TMEM163: variants seen among roughly 807,000 people sequenced by gnomAD.
TMEM163 encodes the protein transmembrane protein 163.
A neutral mutation model predicts 29.3 loss-of-function variants in TMEM163; 17 were observed. The ratio of observed to expected loss-of-function variants is 0.58; its 90% CI spans 0.40 to 0.87. The LOEUF (loss-of-function observed/expected upper bound fraction) is 0.87, where lower values mean the gene tolerates loss of function less well. Ranked by LOEUF, TMEM163 falls within the 40% of genes least tolerant of loss-of-function variation. TMEM163 has a pLI of 0.00. For synonymous variants in TMEM163, 157 were observed against 160.6 expected, an observed-to-expected ratio of 0.98 and a Z score of 0.17; for missense variants, 303 against 381.5, an observed-to-expected ratio of 0.79 and a Z score of 1.71.
intron 2 of TMEM163, among the ~76,000 whole-genome samples, chr2:134,599,014 TAAAAAAA>T (rs34207224): frequency 8.0e-6 from 1 of 124,342 alleles, no homozygotes. Flanking sequence ...GCCATTCCGT[TAAAAAAA>T]AAAAAAAAAA....
At position 134,472,443 on chromosome 2, in the gene TMEM163, A is replaced by G. The variant is rs748456009; in HGVS notation, c.556-6218T>C. 7.0e-4 allele frequency among the ~76,000 whole-genome samples: 107 copies of G among 152,262 alleles called. 2 individuals are homozygous for G. Among genetic ancestry groups the G allele is most frequent in the Admixed American group, 2.6e-4 (4 of 15,290 alleles). ...CCAAAACTATAGTAAGATCCTTTTT[A>G]TCTAACCAAAAATATTACAAGGCTA... On this transcript the variant is annotated intron_variant, in intron 5 of 7. Transcript: ENST00000281924.
In TMEM163 at chr2:134,477,476, T is replaced by C. The variant is rs1346224106; in HGVS notation, c.556-11251A>G. Among the ~76,000 whole-genome samples, 7 of 152,214 alleles carry C rather than the reference T, an allele frequency of 4.6e-5. No individual in the cohort carries two copies. In the East Asian group the frequency reaches 7.7e-4, roughly 17 times the overall value. ...CGTCAGTTTGCTAACCTGGACTTCA[T>C]GAGAGTGTTTAGTATGTATCATAGC... On this transcript the variant is annotated intron_variant, in intron 5 of 7. Transcript: ENST00000281924.
chr2:134,469,351 A>G (rs957968323), intron 5 of TMEM163: 5 of 152,156 alleles, frequency 3.3e-5, no homozygotes, highest in African/African-American at 1.2e-4. Context: ...TGGCAGCTTC[A>G]AAAGCACTGA....
chr2:134,617,681 C>CA (rs35052102), intron 2 of TMEM163, among the ~76,000 whole-genome samples: 11,292 of 151,312 alleles, frequency 0.075, 495 homozygotes, highest in South Asian at 0.17. Flanking sequence ...ACAGAATAAA[C>CA]GGGAACAACA....
At chr2:134,580,686 T>C (rs569756318) in intron 2 of TMEM163, among the ~76,000 whole-genome samples, 1 of 152,200 alleles carries the variant, frequency 6.6e-6, no homozygotes, top group South Asian at 2.1e-4. Context: ...CCGAGCCAGG[T>C]GGATCACTTG....
chr2:134,584,657 A>ACAAAGG (rs1558953730), intron 2 of TMEM163, among the ~76,000 whole-genome samples: 1 of 149,820 alleles, frequency 6.7e-6, no homozygotes, highest in African/African-American at 2.4e-5. Context: ...AAAAAAAAGT[A>ACAAAGG]CAAAGGCATG....
intron 6 of TMEM163, among the ~76,000 whole-genome samples, chr2:134,464,286 C>T (rs1203943716): frequency 6.6e-6 from 1 of 152,082 alleles, no homozygotes; most frequent in Non-Finnish European, 1.5e-5. Context: ...CTGGGGCAGG[C>T]ACAGGGGCAG....
At chr2:134,565,316 A>G (rs887750782) in intron 2 of TMEM163, among the ~76,000 whole-genome samples, 1 of 151,456 alleles carries the variant, frequency 6.6e-6, no homozygotes, top group Non-Finnish European at 1.5e-5. Flanking sequence ...ATGGAAATAC[A>G]TACTTATGGC....
At chr2:134,698,292 T>C (rs1684623085) in intron 2 of TMEM163, among the ~76,000 whole-genome samples, 1 of 152,252 alleles carries the variant, frequency 6.6e-6, no homozygotes, top group African/African-American at 2.4e-5. Flanking sequence ...ACATCTTTAA[T>C]GGTCATAAAC....
chr2:134,515,117 C>T (rs1385604696), intron 4 of TMEM163, among the ~76,000 whole-genome samples: 1 of 152,194 alleles, frequency 6.6e-6, no homozygotes, highest in Non-Finnish European at 1.5e-5. Context: ...TACTTGGAAC[C>T]AAGGGAAGAA....
intron 2 of TMEM163, among the ~76,000 whole-genome samples, chr2:134,691,634 A>G (rs1457978193): frequency 6.6e-6 from 1 of 152,148 alleles, no homozygotes; most frequent in Non-Finnish European, 1.5e-5. Flanking sequence ...TCTCCAATAG[A>G]CAGCACTATG....
At chr2:134,500,447 C>G (rs1679673196) in intron 5 of TMEM163, among the ~76,000 whole-genome samples, 1 of 152,230 alleles carries the variant, frequency 6.6e-6, no homozygotes, top group African/African-American at 2.4e-5. Context: ...GATGGGAGCT[C>G]ACACAGCTTG....
intron 2 of TMEM163, among the ~76,000 whole-genome samples, chr2:134,660,789 C>T (rs997504703): frequency 1.3e-5 from 2 of 152,214 alleles, no homozygotes; most frequent in Non-Finnish European, 2.9e-5. Flanking sequence ...CGTGGCATTG[C>T]TGAAGAGCTC....
intron 5 of TMEM163, among the ~76,000 whole-genome samples, chr2:134,474,509 T>C (rs1379443780): frequency 6.6e-6 from 1 of 152,172 alleles, no homozygotes; most frequent in Admixed American, 6.5e-5. Flanking sequence ...ATTACTTCCA[T>C]TTGACTCTGA....
At chr2:134,489,531 C>T (rs1679383591) in intron 5 of TMEM163, among the ~76,000 whole-genome samples, 1 of 150,240 alleles carries the variant, frequency 6.7e-6, no homozygotes, top group Non-Finnish European at 1.5e-5. Flanking sequence ...GAGCCGAGAT[C>T]GCACCACTGC....
At chr2:134,700,434 T>C (rs1256105945) in intron 2 of TMEM163, among the ~76,000 whole-genome samples, 1 of 152,252 alleles carries the variant, frequency 6.6e-6, no homozygotes, top group Non-Finnish European at 1.5e-5. Context: ...GCTCCTCTGA[T>C]GTAGAGTTCG....
At chr2:134,474,559 AG>A (rs1686873562) in intron 5 of TMEM163, among the ~76,000 whole-genome samples, 2 of 152,212 alleles carry the variant, frequency 1.3e-5, no homozygotes, top group South Asian at 4.1e-4. Context: ...AAAAGAAAGA[AG>A]TAAAGCCATT....
At position 134,466,276 on chromosome 2, in the gene TMEM163, T is replaced by C. The variant is rs556560744; in HGVS notation, c.556-51A>G. 3.6e-5 allele frequency: 54 copies of C among 1,480,242 alleles called. No individual in the cohort carries two copies. In the Admixed American group the frequency reaches 6.4e-4, roughly 18 times the overall value. The allele number at this position is 1,480,242 out of a possible 1,614,324, so 91.7% of individuals were successfully genotyped here. On this transcript the variant is annotated intron_variant, in intron 5 of 7. Transcript: ENST00000281924. ...ACAGTTCACCTCCTGCTGGAGCAGA[T>C]CATCTGCAACCCACTTGCCTTACAG...
chr2:134,552,139 T>C (rs570543209), intron 2 of TMEM163, 48 bp from the exon 3 acceptor site: 1 of 1,484,270 alleles, frequency 6.7e-7, no homozygotes, highest in African/African-American at 1.4e-5. Context: ...ACCTCTCTCA[T>C]TTTTGAGTAT....
Sources: allele counts gnomAD v4.1 joint callset (sites outside exome capture counted in the v4.1 genomes callset), GRCh38; gene constraint gnomAD v4.1.1; transcripts MANE v1.5; gene names NCBI Gene and HGNC (gene_info 2026-07-23, HGNC 2026-07-21).